The following PRKAR1A variants were observed in gnomAD, a reference collection of about 807,000 sequenced individuals.
PRKAR1A encodes the protein protein kinase cAMP-dependent type I regulatory subunit alpha, also known as cAMP-dependent protein kinase type I-alpha regulatory subunit.
A neutral mutation model predicts 52.0 loss-of-function variants in PRKAR1A; 3 were observed. The ratio of observed to expected loss-of-function variants is 0.06; its 90% CI spans 0.03 to 0.15. PRKAR1A has a LOEUF of 0.15. PRKAR1A is among the 10% of genes least tolerant of loss of function. The pLI is 1.00. For synonymous variants in PRKAR1A, 188 were observed against 168.4 expected, an observed-to-expected ratio of 1.12 and a Z score of -0.90; for missense variants, 240 against 477.4, an observed-to-expected ratio of 0.50 and a Z score of 4.63.
Position 68,533,159 on chromosome 17 carries a change from A to G in PRKAR1A, c.*2710A>G, listed in dbSNP as rs2086022385. 1 of 1,059,408 alleles carries G rather than the reference A, an allele frequency of 9.4e-7. No individual in the cohort carries two copies. The highest frequency in any genetic ancestry group is 1.1e-6 in the Non-Finnish European group (1 of 874,216). The allele number at this position is 1,059,408 out of a possible 1,614,324, so 65.6% of individuals were successfully genotyped here. On this transcript the variant is annotated 3_prime_UTR_variant, in exon 11 of 11. Transcript: ENST00000589228. ...TATACATTTAATGTTACTTAGGGATACTTTTATATTTTGCATATATAAAGC... is the reference window on the plus strand; with the variant it reads ...TATACATTTAATGTTACTTAGGGATGCTTTTATATTTTGCATATATAAAGC...
At chr17:68,494,153 GA>G in the PRKAR1A span, among the ~76,000 whole-genome samples, 2 of 152,164 alleles carry the variant, frequency 1.3e-5, no homozygotes, top group Non-Finnish European at 2.9e-5. Flanking sequence ...GCACATTAAA[GA>G]CAGCCAAAGA....
the PRKAR1A span, among the ~76,000 whole-genome samples, chr17:68,438,452 C>G: frequency 6.6e-6 from 1 of 152,214 alleles, no homozygotes; most frequent in Non-Finnish European, 1.5e-5. Context: ...GTCAGGAGAT[C>G]TGGTTGTCTT....
chr17:68,417,769 A>C, the PRKAR1A span, among the ~76,000 whole-genome samples: 2 of 32,132 alleles, frequency 6.2e-5, no homozygotes, highest in Admixed American at 6.1e-4. Context: ...TTTTTTTGAG[A>C]TGGAGTCTCA....
the PRKAR1A span, among the ~76,000 whole-genome samples, chr17:68,465,863 A>T: frequency 1.3e-5 from 2 of 151,984 alleles, no homozygotes. Context: ...GCAGCAGTAG[A>T]GGATGTCGGA....
At chr17:68,463,414 C>G in the PRKAR1A span, among the ~76,000 whole-genome samples, 1 of 152,322 alleles carries the variant, frequency 6.6e-6, no homozygotes. Flanking sequence ...TCCATTCATT[C>G]ATTTGACCAA....
chr17:68,433,660 A>G, the PRKAR1A span: 1 of 1,102,100 alleles, frequency 9.1e-7, no homozygotes, highest in Non-Finnish European at 1.3e-6. Context: ...TTATAAGAAA[A>G]TCAGATGTAT....
At chr17:68,504,216 G>A in the PRKAR1A span, among the ~76,000 whole-genome samples, 1 of 152,106 alleles carries the variant, frequency 6.6e-6, no homozygotes, top group African/African-American at 2.4e-5. Flanking sequence ...TGTAATCCCA[G>A]CACTTTGGGA....
chr17:68,515,192 G>C (rs1027296426), intron 1 of PRKAR1A: 39 of 604,416 alleles, frequency 6.5e-5, no homozygotes, highest in Admixed American at 1.4e-4. Context: ...CACAGATCCT[G>C]AACTAAATGA....
At chr17:68,426,247 A>AGGGGGGGGGGG in the PRKAR1A span, 2 of 655,806 alleles carry the variant, frequency 3.0e-6, no homozygotes, top group African/African-American at 2.1e-5. Context: ...GCGGGTGGGG[A>AGGGGGGGGGGG]GCGGGGGCTC....
intron 11 of PRKAR1A, chr17:68,539,937 A>T: frequency 6.2e-7 from 1 of 1,614,196 alleles, no homozygotes; most frequent in South Asian, 1.1e-5. Flanking sequence ...AACTTGGTGA[A>T]CATCTCATAA....
At chr17:68,435,482 C>T in the PRKAR1A span, 1 of 825,746 alleles carries the variant, frequency 1.2e-6, no homozygotes, top group Non-Finnish European at 2.0e-6. Flanking sequence ...GCCAGAAATT[C>T]TCCCTCTGAA....
At chr17:68,445,140 G>A in the PRKAR1A span, among the ~76,000 whole-genome samples, 8 of 151,980 alleles carry the variant, frequency 5.3e-5, no homozygotes, top group Non-Finnish European at 4.4e-5. Context: ...GGCTGGTCTC[G>A]AACTCCCGAC....
intron 11 of PRKAR1A, chr17:68,540,567 G>A: frequency 1.9e-6 from 1 of 539,874 alleles, no homozygotes. Context: ...CTCACTTGGT[G>A]AAGTGAACAT....
chr17:68,490,891 T>C, the PRKAR1A span, among the ~76,000 whole-genome samples: 1 of 152,024 alleles, frequency 6.6e-6, no homozygotes, highest in Non-Finnish European at 1.5e-5. Context: ...ATGTTTATCC[T>C]TGAGGTTCTA....
chr17:68,441,564 C>T, the PRKAR1A span, among the ~76,000 whole-genome samples: 5 of 152,158 alleles, frequency 3.3e-5, no homozygotes, highest in African/African-American at 9.7e-5. Flanking sequence ...ATTGGCAGGG[C>T]GGAGTCCTCT....
chr17:68,425,974 G>A, the PRKAR1A span: 12 of 882,108 alleles, frequency 1.4e-5, no homozygotes, highest in East Asian at 2.2e-4. Context: ...AGTTGTTATA[G>A]ATTAGAAAAC....
the PRKAR1A span, among the ~76,000 whole-genome samples, chr17:68,449,626 T>A: frequency 6.6e-6 from 1 of 152,124 alleles, no homozygotes; most frequent in Non-Finnish European, 1.5e-5. Context: ...CCCCCACCCG[T>A]CTCTTGGTCC....
At chr17:68,476,035 A>G in the PRKAR1A span, among the ~76,000 whole-genome samples, 2 of 152,094 alleles carry the variant, frequency 1.3e-5, no homozygotes, top group African/African-American at 2.4e-5. Context: ...TTTGATGCCT[A>G]TGGCCTGGTC....
the PRKAR1A span, among the ~76,000 whole-genome samples, chr17:68,480,347 T>G: frequency 5.4e-4 from 83 of 152,296 alleles, no homozygotes; most frequent in Non-Finnish European, 1.1e-3. Context: ...GGGAAGGACC[T>G]TCCAGGGAGG....
Sources: gnomAD v4.1 joint callset for allele counts (sites outside exome capture counted in the v4.1 genomes callset) on GRCh38, gnomAD v4.1.1 for gene constraint, MANE v1.5 for transcripts, NCBI Gene and HGNC (gene_info 2026-07-23, HGNC 2026-07-21) for gene names.